Variants in CPNE8 observed in about 807,000 individuals in gnomAD.
CPNE8 encodes copine 8.
A neutral mutation model predicts 81.5 loss-of-function variants in CPNE8; 45 were observed. The ratio of observed to expected loss-of-function variants is 0.55; its 90% CI spans 0.44 to 0.71. The LOEUF (loss-of-function observed/expected upper bound fraction) is 0.71. Ranked by LOEUF, CPNE8 falls within the 30% of genes least tolerant of loss-of-function variation. CPNE8 has a pLI of 0.00. For missense variants in CPNE8, 594 were observed against 672.1 expected (o/e 0.88, Z 1.28); for synonymous variants, 252 against 226.3 (o/e 1.11, Z -1.02).
At position 38,789,246 on chromosome 12, in the gene CPNE8, A is replaced by T. The variant is rs1011719652; in HGVS notation, c.408-12945T>A. On this transcript the variant is annotated intron_variant, in intron 6 of 19. Coordinates refer to ENST00000331366, the MANE Select transcript of CPNE8 (RefSeq NM_153634.3). Reference sequence around the variant, plus strand: ...CCAAAATAGCATAGTACTGGCATAAAAGTAGACACATAGCCCAATGGAACA... The same window carrying T: ...CCAAAATAGCATAGTACTGGCATAATAGTAGACACATAGCCCAATGGAACA... 6.6e-5 allele frequency among the ~76,000 whole-genome samples: 10 copies of T among 152,082 alleles called. No individual in the cohort carries two copies. The South Asian group carries it at 1.4e-3, about 22-fold the overall frequency.
chr12:38,676,324 C>T lies in CPNE8; in HGVS notation c.1375-550G>A, dbSNP rs1939288574. 6.1e-6 allele frequency: 6 copies of T among 984,416 alleles called. No homozygotes were observed. In the Admixed American group the frequency reaches 3.1e-4, roughly 51 times the overall value. The allele number at this position is 984,416 out of a possible 1,614,324, so 61.0% of individuals were successfully genotyped here. A position where few individuals can be genotyped will look rare whatever the true frequency, so the allele number is the denominator to read the frequency against. On this transcript the variant is annotated intron_variant, in intron 17 of 19. Coordinates refer to ENST00000331366, the MANE Select transcript of CPNE8 (RefSeq NM_153634.3). ...CAGTGGGACATTCTTCGGAAATGAC[C>T]AGCCCTGGGTAAGATCAAATAGAAG...
chr12:38,739,078 CTTGGATTACAGGTGT>C (rs1351953488), intron 10 of CPNE8, among the ~76,000 whole-genome samples: 1 of 152,108 alleles, frequency 6.6e-6, no homozygotes, highest in Non-Finnish European at 1.5e-5. Context: ...TCCCAAAGTG[CTTGGATTACAGGTGT>C]GAGCTGCCAC....
intron 4 of CPNE8, among the ~76,000 whole-genome samples, chr12:38,842,031 G>GA (rs1943476109): frequency 7.9e-6 from 1 of 127,182 alleles, no homozygotes; most frequent in African/African-American, 2.8e-5. Flanking sequence ...TTTTACAATA[G>GA]CAAAAAAAAA....
chr12:38,677,825 G>C (rs182130392), intron 16 of CPNE8, among the ~76,000 whole-genome samples: 381 of 151,810 alleles, frequency 2.5e-3, no homozygotes, highest in African/African-American at 8.9e-3. Flanking sequence ...TGACTATTTA[G>C]TACAAAGAAA....
chr12:38,848,470 A>G (rs887397231), intron 4 of CPNE8, 89 bp downstream of exon 4: 108 of 1,436,054 alleles, frequency 7.5e-5, no homozygotes, highest in Non-Finnish European at 9.8e-5. Context: ...ATAATCTAGA[A>G]CTCAGTGCAA....
chr12:38,709,581 C>T (rs1280572136), intron 13 of CPNE8, among the ~76,000 whole-genome samples: 1 of 152,170 alleles, frequency 6.6e-6, no homozygotes, highest in East Asian at 1.9e-4. Context: ...CATAAAAGAA[C>T]CTGTCCTTTA....
chr12:38,723,597 G>C (rs921301002), intron 13 of CPNE8, among the ~76,000 whole-genome samples, 175 bp downstream of exon 13: 1 of 152,134 alleles, frequency 6.6e-6, no homozygotes, highest in Non-Finnish European at 1.5e-5. Context: ...TGCCCCAAAA[G>C]TAATAGCTCT....
intron 6 of CPNE8, among the ~76,000 whole-genome samples, chr12:38,802,674 G>C (rs1942701025): frequency 6.6e-6 from 1 of 151,904 alleles, no homozygotes. Flanking sequence ...AGAACTGAAG[G>C]AAATAGAGAC....
intron 6 of CPNE8, among the ~76,000 whole-genome samples, chr12:38,778,775 G>A (rs983835089): frequency 2.0e-5 from 3 of 152,144 alleles, no homozygotes; most frequent in Non-Finnish European, 4.4e-5. Context: ...CAATATTCAC[G>A]ACATAAACCT....
intron 4 of CPNE8, among the ~76,000 whole-genome samples, chr12:38,845,266 C>T (rs75562628): frequency 0.054 from 8,274 of 152,180 alleles, 733 homozygotes; most frequent in African/African-American, 0.19. Flanking sequence ...TCTCTTTTCC[C>T]AGTAAAACTC....
At chr12:38,811,520 T>TA (rs1055971739) in intron 6 of CPNE8, among the ~76,000 whole-genome samples, 3 of 151,878 alleles carry the variant, frequency 2.0e-5, no homozygotes, top group Non-Finnish European at 2.9e-5. Flanking sequence ...TTAAGAAACA[T>TA]AAAAAAAGTC....
chr12:38,883,407 G>C (rs552802128), intron 1 of CPNE8, among the ~76,000 whole-genome samples: 1 of 152,162 alleles, frequency 6.6e-6, no homozygotes, highest in Non-Finnish European at 1.5e-5. Context: ...AAATTAGGCA[G>C]TATTGGAAAG....
intron 19 of CPNE8, among the ~76,000 whole-genome samples, chr12:38,662,555 C>T (rs1287129706): frequency 2.6e-5 from 4 of 152,164 alleles, no homozygotes; most frequent in East Asian, 1.9e-4. Flanking sequence ...GTTAAAATGA[C>T]CATACTACCC....
intron 1 of CPNE8, among the ~76,000 whole-genome samples, chr12:38,882,539 C>G (rs1944176590): frequency 6.6e-6 from 1 of 152,158 alleles, no homozygotes; most frequent in Admixed American, 6.5e-5. Context: ...GAAACGAGTA[C>G]AGCCAGTAAC....
Position 38,754,635 on chromosome 12 carries a change from T to C in CPNE8, c.722+6212A>G, listed in dbSNP as rs548181664. ...TACCACTTCAGGTATACTAGATACA[T>C]ATATAATTAAATCAGTCTTTCTTGA... is the stretch of plus-strand genomic sequence containing the variant. On this transcript the variant is annotated intron_variant, in intron 10 of 19. Transcript: ENST00000331366. 2.0e-5 allele frequency among the ~76,000 whole-genome samples: 3 copies of C among 151,730 alleles called. No homozygotes were observed. The East Asian group carries it at 5.8e-4, about 29-fold the overall frequency.
At chr12:38,717,429 G>GTA (rs57044387) in intron 13 of CPNE8, among the ~76,000 whole-genome samples, 7,978 of 86,856 alleles carry the variant, frequency 0.092, 544 homozygotes, top group Middle Eastern at 0.14. Flanking sequence ...AAAGTGTGGT[G>GTA]TATATATATA....
At position 38,743,484 on chromosome 12, in the gene CPNE8, A is replaced by T. The variant is rs563794041; in HGVS notation, c.723-13126T>A. 5.3e-5 allele frequency among the ~76,000 whole-genome samples: 8 copies of T among 152,276 alleles called. 1 individual carries two copies. The highest frequency in any genetic ancestry group is 9.6e-5 in the African/African-American group (4 of 41,578). On this transcript the variant is annotated intron_variant, in intron 10 of 19. Transcript: ENST00000331366. ...TTAAAAGATCTTATGCCACAAAAAA[A>T]GTATGGCTTCCCTTTGTAATGATGT... is the stretch of plus-strand genomic sequence containing the variant.
intron 6 of CPNE8, among the ~76,000 whole-genome samples, chr12:38,795,426 A>G (rs1465023785): frequency 1.3e-5 from 2 of 152,184 alleles, no homozygotes; most frequent in Non-Finnish European, 2.9e-5. Context: ...TTGCACACCT[A>G]TGTTAATAGC....
intron 4 of CPNE8, among the ~76,000 whole-genome samples, chr12:38,845,048 C>A (rs575270850): frequency 1.3e-5 from 2 of 151,990 alleles, no homozygotes; most frequent in East Asian, 3.9e-4. Context: ...CCCATGGCAG[C>A]AGAGCCATGG....
Sources: gnomAD v4.1 joint callset for allele counts (sites outside exome capture counted in the v4.1 genomes callset) on GRCh38, gnomAD v4.1.1 for gene constraint, MANE v1.5 for transcripts, NCBI Gene and HGNC (gene_info 2026-07-23, HGNC 2026-07-21) for gene names.